Variants in RAB11FIP3 observed in about 807,000 individuals in gnomAD.
RAB11FIP3 encodes the protein rab11 family-interacting protein 3.
Under a neutral mutation model 77.8 loss-of-function variants are expected in RAB11FIP3, and 17 were observed. The observed-to-expected ratio is 0.22, with a 90% CI of 0.15 to 0.33. The LOEUF is 0.33. Among genes scored for constraint, RAB11FIP3 ranks in the 10% least tolerant of loss-of-function variants. The pLI is 1.00. For synonymous variants in RAB11FIP3, 437 were observed against 448.2 expected, an observed-to-expected ratio of 0.98 and a Z score of 0.31; for missense variants, 1,005 against 1,011.2, an observed-to-expected ratio of 0.99 and a Z score of 0.08.
At chr16:492,927 C>T (rs1453165081) in intron 5 of RAB11FIP3, among the ~76,000 whole-genome samples, 1 of 152,092 alleles carries the variant, frequency 6.6e-6, no homozygotes, top group African/African-American at 2.4e-5. Context: ...GCCTCACGTC[C>T]AGGTTCTGCT....
chr16:461,008 G>A lies in RAB11FIP3; in HGVS notation c.715-396G>A, dbSNP rs960781388. On this transcript the variant is annotated intron_variant, in intron 1 of 13. Transcript: ENST00000262305. This position sits in a 1 kb window ranked among gnomAD's most constrained non-coding sequence, Gnocchi z 4.5. ...CATGTGGTGAAAAAGCCAAGCTCGCGATACAGCCTAATCCCGATTCCCTAA... is the reference window on the plus strand; with the variant it reads ...CATGTGGTGAAAAAGCCAAGCTCGCAATACAGCCTAATCCCGATTCCCTAA... Among the ~76,000 whole-genome samples the A allele has an allele frequency of 2.0e-5, 3 of 150,496 alleles. No homozygotes were observed. The highest frequency in any genetic ancestry group is 6.6e-5 in the Admixed American group (1 of 15,234).
At chr16:442,722 G>A (rs1234031926) in intron 1 of RAB11FIP3, among the ~76,000 whole-genome samples, 1 of 152,180 alleles carries the variant, frequency 6.6e-6, no homozygotes, top group Non-Finnish European at 1.5e-5. Flanking sequence ...GCAGGAGCTG[G>A]AGCTCCACCC....
chr16:432,254 A>G (rs72767804), intron 1 of RAB11FIP3, among the ~76,000 whole-genome samples: 91,637 of 151,840 alleles, frequency 0.6, 27,930 homozygotes, highest in East Asian at 0.68. Context: ...GTAGGCGCCT[A>G]TAATCCCAGG....
At chr16:462,918 T>TCCCAGCACGATCCCTTC (rs1567371214) in intron 2 of RAB11FIP3, among the ~76,000 whole-genome samples, 12 of 151,156 alleles carry the variant, frequency 7.9e-5, no homozygotes, top group African/African-American at 2.9e-4. Context: ...ACCATCCCTT[T>TCCCAGCACGATCCCTTC]CCCAGCACGA....
chr16:500,830 C>G (rs961138009), intron 6 of RAB11FIP3, among the ~76,000 whole-genome samples: 1 of 152,106 alleles, frequency 6.6e-6, no homozygotes, highest in Admixed American at 6.6e-5. Flanking sequence ...GCTGTGTCCC[C>G]GAGTCAGCCC....
Position 506,955 on chromosome 16 carries a change from C to G in RAB11FIP3, c.1499+1328C>G, listed in dbSNP as rs2031904999. ...TGTCAAGGAGAATCCGGGGGGCTGC[C>G]AGATGCACTTGTTTTGTTTTGTTTT... On this transcript the variant is annotated intron_variant, in intron 8 of 13. Coordinates refer to ENST00000262305, the MANE Select transcript of RAB11FIP3 (RefSeq NM_014700.4). This position sits in a 1 kb window ranked among gnomAD's most constrained non-coding sequence, Gnocchi z 4.5. Among the ~76,000 whole-genome samples the G allele has an allele frequency of 6.6e-6, 1 of 152,130 alleles. No homozygotes were observed. Among genetic ancestry groups the G allele is most frequent in the African/African-American group, 2.4e-5 (1 of 41,426 alleles).
intron 1 of RAB11FIP3, among the ~76,000 whole-genome samples, chr16:427,095 C>G (rs746034928): frequency 2.0e-5 from 3 of 152,180 alleles, no homozygotes; most frequent in Non-Finnish European, 4.4e-5. Context: ...CGCGATTCCC[C>G]CACCCGAGGG....
At chr16:491,549 G>T (rs1252215223) in intron 5 of RAB11FIP3, among the ~76,000 whole-genome samples, 2 of 152,248 alleles carry the variant, frequency 1.3e-5, no homozygotes, top group Admixed American at 6.5e-5. Context: ...GATACTTTCT[G>T]CATTTTACTA....
chr16:471,365 G>A lies in RAB11FIP3; in HGVS notation c.879G>A (p.Glu293=), dbSNP rs186380916. 1.2e-6 allele frequency: 2 copies of A among 1,613,386 alleles called. No individual in the cohort carries two copies. The highest frequency in any genetic ancestry group is 2.2e-5 in the East Asian group (1 of 44,860). The change falls in exon 3 of 14, where the codon GAG becomes GAA. Residue 293 remains glutamate, a synonymous_variant. Transcript: ENST00000262305. The surrounding 1 kb of genome is among the most constrained non-coding windows in gnomAD (Gnocchi z 4.4). The part of the protein sequence containing the change: ...QDEEPLACPD[E]FDDFVTYEAN... ...AGGAGCCCCTGGCCTGCCCGGACGA[G>A]TTCGATGACTTCGTCACCTATGAGG...
chr16:517,856 G>T (rs1007626361), intron 9 of RAB11FIP3, among the ~76,000 whole-genome samples: 5 of 152,230 alleles, frequency 3.3e-5, no homozygotes, highest in African/African-American at 1.2e-4. Flanking sequence ...GCCGAGGCAG[G>T]TGGATCACCA....
chr16:494,061 A>G (rs140918896), intron 5 of RAB11FIP3, among the ~76,000 whole-genome samples: 26,248 of 63,514 alleles, frequency 0.41, 5,191 homozygotes, highest in African/African-American at 0.54. Flanking sequence ...CCATCACCAC[A>G]CCTGGCTAAC....
chr16:453,976 A>G (rs2141622528), intron 1 of RAB11FIP3, among the ~76,000 whole-genome samples: 1 of 152,264 alleles, frequency 6.6e-6, no homozygotes, highest in South Asian at 2.1e-4. Flanking sequence ...CATATTATTC[A>G]GCCTACCTGT....
intron 9 of RAB11FIP3, among the ~76,000 whole-genome samples, chr16:518,136 T>C (rs2141905501): frequency 6.6e-6 from 1 of 152,328 alleles, no homozygotes; most frequent in East Asian, 1.9e-4. Flanking sequence ...TGGAGCGCAG[T>C]GGCGGGATCA....
intron 1 of RAB11FIP3, among the ~76,000 whole-genome samples, chr16:449,288 T>G (rs1368482837): frequency 1.3e-5 from 2 of 152,026 alleles, no homozygotes; most frequent in East Asian, 3.9e-4. Flanking sequence ...CGGGACAGAG[T>G]GTCGGGCTCA....
Position 496,471 on chromosome 16 carries a change from C to T in RAB11FIP3, c.1266-353C>T, listed in dbSNP as rs1233075532. 4.6e-5 allele frequency among the ~76,000 whole-genome samples: 7 copies of T among 152,198 alleles called. No individual in the cohort carries two copies. The South Asian group carries it at 1.0e-3, about 23-fold the overall frequency. On this transcript the variant is annotated intron_variant, in intron 5 of 13. Transcript: ENST00000262305. ...GGGTCACTTTTCACTTGGGGGCCTC[C>T]GAAGGCCAAGCGTTTGGGGGTAATT...
At position 520,493 on chromosome 16, in the gene RAB11FIP3, T is replaced by C. The variant is rs1296685929; in HGVS notation, c.2051T>C (p.Leu684Pro). The part of the protein sequence containing the change: ...NRNLKEQNEE[L>P]NGQIITLSIQ... The stretch of plus-strand genomic sequence containing the variant: ...AACCTGAAGGAGCAGAACGAGGAGC[T>C]GAACGGGCAGATCATTACCCTCAGC... Residue 684 changes from leucine to proline, a missense_variant, in exon 13 of 14, where the codon CTG becomes CCG. Physicochemically the swap from Leu to Pro is moderately conservative, Grantham distance 98. Coordinates refer to ENST00000262305, the MANE Select transcript of RAB11FIP3 (RefSeq NM_014700.4). 3.7e-6 allele frequency: 6 copies of C among 1,613,704 alleles called. No homozygotes were observed. The highest frequency in any genetic ancestry group is 5.1e-6 in the Non-Finnish European group (6 of 1,180,038).
intron 4 of RAB11FIP3, among the ~76,000 whole-genome samples, chr16:485,731 T>G (rs2056141464): frequency 6.6e-6 from 1 of 152,202 alleles, no homozygotes; most frequent in Non-Finnish European, 1.5e-5. Context: ...TTTTTAATTT[T>G]GCTATAGTTG....
chr16:519,683 G>A, intron 10 of RAB11FIP3, 71 bp from the exon 11 acceptor site: 1 of 1,562,006 alleles, frequency 6.4e-7, no homozygotes. Flanking sequence ...TGGAGGGACA[G>A]ACGGCCGGGG....
chr16:491,079 C>G, intron 5 of RAB11FIP3: 2 of 1,267,736 alleles, frequency 1.6e-6, no homozygotes, highest in Non-Finnish European at 2.1e-6. Context: ...TGCGGAGTCA[C>G]AGATGACCAC....
Sources: allele counts gnomAD v4.1 joint callset (sites outside exome capture counted in the v4.1 genomes callset), GRCh38; gene constraint gnomAD v4.1.1; non-coding constraint Gnocchi (gnomAD v3.1); transcripts MANE v1.5; gene names NCBI Gene and HGNC (gene_info 2026-07-23, HGNC 2026-07-21).